Variants in TRIP4 observed in about 807,000 individuals in gnomAD.
The protein encoded by TRIP4 is activating signal cointegrator 1.
A neutral mutation model predicts 81.8 loss-of-function variants in TRIP4; 54 were observed. The observed-to-expected ratio is 0.66, with a 90% CI of 0.53 to 0.83. The LOEUF is 0.83. Among genes scored for constraint, TRIP4 ranks in the 40% least tolerant of loss-of-function variants. TRIP4 has a pLI of 0.00. For missense variants in TRIP4, 662 were observed against 683.6 expected (o/e 0.97, Z 0.35); for synonymous variants, 270 against 242.8 (o/e 1.11, Z -1.04).
chr15:64,432,247 T>C lies in TRIP4; in HGVS notation c.1575+6616T>C, dbSNP rs546727212. On this transcript the variant is annotated intron_variant, in intron 11 of 12. Transcript: ENST00000261884. Reference sequence around the variant, plus strand: ...GATGGGAAATATTACCACTTTTCCATGTATTTAGTGTTTTGGTTTTCATCT... The same window carrying C: ...GATGGGAAATATTACCACTTTTCCACGTATTTAGTGTTTTGGTTTTCATCT... Among the ~76,000 whole-genome samples the C allele has an allele frequency of 1.4e-3, 217 of 152,212 alleles. 1 individual carries two copies. The highest frequency in any genetic ancestry group is 2.1e-3 in the Non-Finnish European group (142 of 68,010).
chr15:64,422,656 T>C (rs1271990967), intron 9 of TRIP4, among the ~76,000 whole-genome samples: 1 of 152,262 alleles, frequency 6.6e-6, no homozygotes, highest in East Asian at 1.9e-4. Flanking sequence ...ACAACTTGCC[T>C]TCTGCTAAGG....
Position 64,418,714 on chromosome 15 carries a change from C to CA in TRIP4, c.1345dup (p.Arg449LysfsTer4). On this transcript the variant is annotated frameshift_variant, in exon 9 of 13. Coordinates refer to ENST00000261884, the MANE Select transcript of TRIP4 (RefSeq NM_016213.5). LOFTEE classifies it high-confidence loss of function. ...ATCAGCCCTGGGCTTCTCTGCTTGT[C>CA]AGAGGGATTAAAAGGTAAGAATAAA... is the stretch of plus-strand genomic sequence containing the variant. 1 of 1,611,328 alleles carries CA rather than the reference C, an allele frequency of 6.2e-7. No homozygotes were observed. Among genetic ancestry groups the CA allele is most frequent in the African/African-American group, 1.3e-5 (1 of 74,882 alleles).
intron 11 of TRIP4, 31 bp from the exon 12 acceptor site, chr15:64,444,975 A>G (rs756848453): frequency 8.1e-7 from 1 of 1,241,172 alleles, no homozygotes; most frequent in Admixed American, 2.0e-5. Context: ...TGTCCCAACT[A>G]TCCTGAACTT....
chr15:64,413,812 C>G (rs1891825229), intron 7 of TRIP4, among the ~76,000 whole-genome samples: 1 of 151,852 alleles, frequency 6.6e-6, no homozygotes, highest in African/African-American at 2.4e-5. Context: ...GGTCTCGATC[C>G]CTTGACCTTG....
At position 64,455,125 on chromosome 15, in the gene TRIP4, T is replaced by C; in HGVS notation, c.*61T>C. 6.7e-7 allele frequency: 1 copy of C among 1,488,198 alleles called. No homozygotes were observed. Among genetic ancestry groups the C allele is most frequent in the Non-Finnish European group, 9.3e-7 (1 of 1,077,462 alleles). The allele number at this position is 1,488,198 out of a possible 1,614,324, so 92.2% of individuals were successfully genotyped here. A position where few individuals can be genotyped will look rare whatever the true frequency, so the allele number is the denominator to read the frequency against. On this transcript the variant is annotated 3_prime_UTR_variant, in exon 13 of 13. Transcript: ENST00000261884. ...TTTGTGTACTAAAATTGCTATCTAC[T>C]GGTCCTTTGGAATTGAAGTAGTAGA... is the stretch of plus-strand genomic sequence containing the variant.
chr15:64,390,766 G>A (rs748082082), intron 1 of TRIP4, among the ~76,000 whole-genome samples: 2 of 151,890 alleles, frequency 1.3e-5, no homozygotes, highest in Non-Finnish European at 2.9e-5. Context: ...ATGGTGACGG[G>A]CACCTGTAAT....
chr15:64,418,470 G>T (rs1476770808), intron 8 of TRIP4, 71 bp from the exon 9 acceptor site: 6 of 1,407,978 alleles, frequency 4.3e-6, no homozygotes, highest in African/African-American at 1.4e-5. Context: ...ATTAGCATTC[G>T]CATCATTTTG....
chr15:64,423,404 A>G (rs1192904630), intron 9 of TRIP4, among the ~76,000 whole-genome samples: 2 of 130,410 alleles, frequency 1.5e-5, no homozygotes, highest in Non-Finnish European at 3.1e-5. Flanking sequence ...CGGAGGTTGC[A>G]GTGAGCCGAG....
intron 1 of TRIP4, among the ~76,000 whole-genome samples, chr15:64,389,384 C>T (rs1389035584): frequency 6.6e-6 from 1 of 152,030 alleles, no homozygotes; most frequent in Non-Finnish European, 1.5e-5. Flanking sequence ...TTATTCCCAG[C>T]ACTTTGGGAG....
chr15:64,420,338 C>G (rs1207321098), intron 9 of TRIP4, among the ~76,000 whole-genome samples: 1 of 151,698 alleles, frequency 6.6e-6, no homozygotes, highest in Admixed American at 6.6e-5. Context: ...TCAGGCTGGT[C>G]TCAAACTCCC....
At chr15:64,453,029 T>TA (rs1357544997) in intron 12 of TRIP4, among the ~76,000 whole-genome samples, 2 of 151,780 alleles carry the variant, frequency 1.3e-5, no homozygotes, top group Non-Finnish European at 2.9e-5. Context: ...TACCAAAAAA[T>TA]AAAAAAATTA....
At chr15:64,422,861 T>G (rs775255490) in intron 9 of TRIP4, among the ~76,000 whole-genome samples, 4 of 152,196 alleles carry the variant, frequency 2.6e-5, no homozygotes, top group Non-Finnish European at 5.9e-5. Flanking sequence ...AGAGGGAAGA[T>G]ATACATTGGT....
At chr15:64,395,687 TA>T (rs1900270841) in intron 3 of TRIP4, among the ~76,000 whole-genome samples, 156 bp downstream of exon 3, 1 of 151,990 alleles carries the variant, frequency 6.6e-6, no homozygotes, top group Non-Finnish European at 1.5e-5. Flanking sequence ...CTCCTTTCTA[TA>T]TGGTAGATTT....
At chr15:64,423,318 C>T (rs1215245914) in intron 9 of TRIP4, among the ~76,000 whole-genome samples, 2 of 151,964 alleles carry the variant, frequency 1.3e-5, no homozygotes, top group African/African-American at 4.8e-5. Context: ...CAGAAATTAG[C>T]TGGGTGTGGT....
chr15:64,434,241 A>G (rs1227639393), intron 11 of TRIP4, among the ~76,000 whole-genome samples: 1 of 152,114 alleles, frequency 6.6e-6, no homozygotes, highest in Non-Finnish European at 1.5e-5. Context: ...CTCTACTAGA[A>G]ATATAAAATT....
chr15:64,407,559 C>T (rs143220274), intron 6 of TRIP4, among the ~76,000 whole-genome samples: 2,534 of 151,848 alleles, frequency 0.017, 66 homozygotes, highest in African/African-American at 0.058. Flanking sequence ...CCCAGGTACT[C>T]GGGAGGCTGA....
chr15:64,453,554 A>G (rs1208481479), intron 12 of TRIP4, among the ~76,000 whole-genome samples: 1 of 152,196 alleles, frequency 6.6e-6, no homozygotes, highest in East Asian at 1.9e-4. Flanking sequence ...CAGGCAGCAT[A>G]AGGGATAAAA....
At position 64,445,709 on chromosome 15, in the gene TRIP4, G is replaced by A. The variant is rs558718726; in HGVS notation, c.1678+601G>A. 2.7e-5 allele frequency among the ~76,000 whole-genome samples: 4 copies of A among 149,382 alleles called. 1 individual carries two copies. The highest frequency in any genetic ancestry group is 5.9e-5 in the Non-Finnish European group (4 of 67,532). The stretch of plus-strand genomic sequence containing the variant: ...AAAAAAAATTTATTGTGTTCTGTGT[G>A]TCCCTAGTGTTGGAGGCTTAATATA... On this transcript the variant is annotated intron_variant, in intron 12 of 12. Transcript: ENST00000261884.
chr15:64,414,325 G>T, intron 8 of TRIP4, 114 bp downstream of exon 8: 1 of 1,380,340 alleles, frequency 7.2e-7, no homozygotes, highest in Non-Finnish European at 9.8e-7. Context: ...CAATACACCT[G>T]TACCAATCAG....
Sources: allele counts gnomAD v4.1 joint callset (sites outside exome capture counted in the v4.1 genomes callset), GRCh38; gene constraint gnomAD v4.1.1; transcripts MANE v1.5; gene names NCBI Gene and HGNC (gene_info 2026-07-23, HGNC 2026-07-21).